SLC6A5: variants seen among roughly 807,000 people sequenced by gnomAD.
The protein encoded by SLC6A5 is sodium- and chloride-dependent glycine transporter 2.
Under a neutral mutation model 90.5 loss-of-function variants are expected in SLC6A5, and 58 were observed. That is an observed-to-expected ratio of 0.64 (90% CI 0.52 to 0.80). The LOEUF (loss-of-function observed/expected upper bound fraction) is 0.80, where lower values mean the gene tolerates loss of function less well. Among genes scored for constraint, SLC6A5 ranks in the 30% least tolerant of loss-of-function variants. The probability of loss-of-function intolerance (pLI) is 0.00; values close to 1 mark genes in which losing one functional copy is unlikely to be tolerated. For missense variants in SLC6A5, 1,015 were observed against 1,017.6 expected, an observed-to-expected ratio of 1.00 and a Z score of 0.03; for synonymous variants, 427 against 401.4, an observed-to-expected ratio of 1.06 and a Z score of -0.76.
chr11:20,601,037 G>T, intron 1 of SLC6A5, 92 bp from the exon 2 acceptor site: 1 of 1,310,496 alleles, frequency 7.6e-7, no homozygotes, highest in Non-Finnish European at 1.0e-6. Context: ...ATTGTGTCTG[G>T]ACCTGAGTTG....
In SLC6A5 at chr11:20,614,658, A is replaced by G. The variant is rs199906160; in HGVS notation, c.986-21A>G. ...TCTGTACAGATTTAACTGTGTTTCT[A>G]TTCTGTCCTCTCCTAAACAGATTCC... On this transcript the variant is annotated intron_variant, in intron 5 of 15. Coordinates refer to ENST00000525748, the MANE Select transcript of SLC6A5 (RefSeq NM_004211.5). 52 of 1,610,616 alleles carry G rather than the reference A, an allele frequency of 3.2e-5. No homozygotes were observed. The African/African-American group carries it at 5.3e-4, about 17-fold the overall frequency.
intron 3 of SLC6A5, 131 bp from the exon 4 acceptor site, chr11:20,606,876 C>T: frequency 1.8e-6 from 2 of 1,108,592 alleles, no homozygotes; most frequent in South Asian, 1.3e-5. Context: ...CATCAAAGGG[C>T]TTCTTCAGGA....
intron 9 of SLC6A5, among the ~76,000 whole-genome samples, chr11:20,630,233 T>C (rs1853082569): frequency 6.6e-6 from 1 of 152,208 alleles, no homozygotes; most frequent in African/African-American, 2.4e-5. Context: ...GATGGCACCT[T>C]GTTGCTGTGT....
Position 20,630,752 on chromosome 11 carries a change from T to A in SLC6A5, c.1561T>A (p.Phe521Ile). 1 of 1,614,224 alleles carries A rather than the reference T, an allele frequency of 6.2e-7. No homozygotes were observed. Among genetic ancestry groups the A allele is most frequent in the South Asian group, 1.1e-5 (1 of 91,088 alleles). Residue 521 changes from phenylalanine (F) to isoleucine (I), a missense_variant, in exon 10 of 16, where the codon TTC becomes ATC. By Grantham distance (21) the Phe-to-Ile change is conservative. Around this residue, in one of 3 missense-constraint regions of SLC6A5, gnomAD observed 442 missense variants for 494.3 expected, o/e 0.89. Transcript: ENST00000525748. ...AAGCATCTTTGCCGGCTTCGTCATC[T>A]TCTCCGTTATCGGCTTCATGGCCAA... is the stretch of plus-strand genomic sequence containing the variant. ...ATSIFAGFVI[F>I]SVIGFMANER...
At chr11:20,644,088 T>C (rs965870972) in intron 13 of SLC6A5, among the ~76,000 whole-genome samples, 1 of 151,704 alleles carries the variant, frequency 6.6e-6, no homozygotes, top group Non-Finnish European at 1.5e-5. Flanking sequence ...TAATTGTATA[T>C]ATTTACGAGG....
At chr11:20,605,009 G>A (rs1852550958) in intron 3 of SLC6A5, among the ~76,000 whole-genome samples, 1 of 152,170 alleles carries the variant, frequency 6.6e-6, no homozygotes, top group African/African-American at 2.4e-5. Context: ...CCTAAATTGG[G>A]GGAAGGTGCT....
intron 13 of SLC6A5, among the ~76,000 whole-genome samples, chr11:20,644,731 A>T (rs980770713): frequency 6.6e-6 from 1 of 152,218 alleles, no homozygotes; most frequent in Non-Finnish European, 1.5e-5. Flanking sequence ...TTGAGTGTAC[A>T]ACTCAATGAA....
chr11:20,648,706 GT>G (rs1853468924), intron 14 of SLC6A5, among the ~76,000 whole-genome samples: 1 of 152,150 alleles, frequency 6.6e-6, no homozygotes, highest in Non-Finnish European at 1.5e-5. Flanking sequence ...TAAAATCAAA[GT>G]TAGAACATGT....
Position 20,630,867 on chromosome 11 carries a change from C to T in SLC6A5, c.1624+52C>T, listed in dbSNP as rs569985218. Reference sequence around the variant, plus strand: ...TGCAGGGCAGGTCCCAGGCTCATGTCACAAGCTCCTAATTTAGACTATGCT... The same window carrying T: ...TGCAGGGCAGGTCCCAGGCTCATGTTACAAGCTCCTAATTTAGACTATGCT... On this transcript the variant is annotated intron_variant, in intron 10 of 15. Coordinates refer to ENST00000525748, the MANE Select transcript of SLC6A5 (RefSeq NM_004211.5). 64 of 1,603,656 alleles carry T rather than the reference C, an allele frequency of 4.0e-5. No homozygotes were observed. The East Asian group carries it at 1.3e-3, about 32-fold the overall frequency.
chr11:20,630,873 C>T (rs1565282877), intron 10 of SLC6A5, 58 bp downstream of exon 10: 1 of 1,596,642 alleles, frequency 6.3e-7, no homozygotes, highest in Non-Finnish European at 8.6e-7. Flanking sequence ...ATGTCACAAG[C>T]TCCTAATTTA....
At chr11:20,631,133 G>A (rs1383577114) in intron 10 of SLC6A5, among the ~76,000 whole-genome samples, 1 of 152,220 alleles carries the variant, frequency 6.6e-6, no homozygotes, top group Non-Finnish European at 1.5e-5. Context: ...GGTATGAGTA[G>A]AGAATTTATT....
chr11:20,650,039 C>T (rs1326412153), intron 14 of SLC6A5, among the ~76,000 whole-genome samples: 1 of 152,196 alleles, frequency 6.6e-6, no homozygotes, highest in Non-Finnish European at 1.5e-5. Context: ...ATACAGATGC[C>T]TTACATCCAT....
chr11:20,614,491 A>T (rs1167143677), intron 5 of SLC6A5, among the ~76,000 whole-genome samples, 188 bp from the exon 6 acceptor site: 2 of 152,214 alleles, frequency 1.3e-5, no homozygotes, highest in Non-Finnish European at 1.5e-5. Flanking sequence ...GGGGGCTCTG[A>T]TGGAGAAAAC....
At chr11:20,614,895 C>A in intron 6 of SLC6A5, 75 bp downstream of exon 6, 1 of 1,424,214 alleles carries the variant, frequency 7.0e-7, no homozygotes, top group Non-Finnish European at 9.9e-7. Flanking sequence ...AATTTGCAGA[C>A]CAGAGGTGTG....
intron 13 of SLC6A5, among the ~76,000 whole-genome samples, chr11:20,643,324 C>T (rs1411677772): frequency 1.3e-5 from 2 of 151,846 alleles, no homozygotes; most frequent in Non-Finnish European, 2.9e-5. Context: ...TTTATTCTCT[C>T]CCCTCACTTA....
chr11:20,618,410 C>G (rs1852824527), intron 7 of SLC6A5, among the ~76,000 whole-genome samples: 1 of 152,204 alleles, frequency 6.6e-6, no homozygotes, highest in Admixed American at 6.5e-5. Context: ...TCTTCTACCC[C>G]ATGTGCCCCT....
intron 7 of SLC6A5, among the ~76,000 whole-genome samples, chr11:20,620,970 T>G (rs1852877949): frequency 6.6e-6 from 1 of 151,924 alleles, no homozygotes; most frequent in African/African-American, 2.4e-5. Context: ...CAGCTAATTT[T>G]TTTTGTATTT....
intron 1 of SLC6A5, among the ~76,000 whole-genome samples, chr11:20,599,909 C>T (rs554844760): frequency 6.6e-6 from 1 of 152,042 alleles, no homozygotes; most frequent in Non-Finnish European, 1.5e-5. Flanking sequence ...CCTAAAGACC[C>T]GATCCCGGGC....
intron 7 of SLC6A5, among the ~76,000 whole-genome samples, chr11:20,625,413 C>T (rs10833368): frequency 0.26 from 39,198 of 151,922 alleles, 5,197 homozygotes; most frequent in Middle Eastern, 0.3. Flanking sequence ...AGGAGCCTGC[C>T]ACCACACCCG....
Sources: allele counts gnomAD v4.1 joint callset (sites outside exome capture counted in the v4.1 genomes callset), GRCh38; gene constraint gnomAD v4.1.1; regional missense constraint gnomAD v4.1.1; transcripts MANE v1.5; gene names NCBI Gene and HGNC (gene_info 2026-07-23, HGNC 2026-07-21).